The following PTPN14 variants were observed in gnomAD, a reference collection of about 807,000 sequenced individuals.
PTPN14 encodes protein tyrosine phosphatase non-receptor type 14.
A neutral mutation model predicts 126.8 loss-of-function variants in PTPN14; 53 were observed. The ratio of observed to expected loss-of-function variants is 0.42; its 90% CI spans 0.34 to 0.53. The LOEUF is 0.53. PTPN14 is among the 20% of genes least tolerant of loss of function. The pLI is 0.08. For missense variants in PTPN14, 1,257 were observed against 1,552.9 expected (o/e 0.81, Z 3.20); for synonymous variants, 630 against 599.3 (o/e 1.05, Z -0.75).
At chr1:214,419,508 C>T (rs1448750890) in intron 3 of PTPN14, among the ~76,000 whole-genome samples, 2 of 152,148 alleles carry the variant, frequency 1.3e-5, no homozygotes, top group East Asian at 3.9e-4. Flanking sequence ...CAGGGTAAGA[C>T]TTAAAATGTG....
chr1:214,415,096 C>A (rs568436586), intron 3 of PTPN14, among the ~76,000 whole-genome samples: 1 of 152,190 alleles, frequency 6.6e-6, no homozygotes, highest in Non-Finnish European at 1.5e-5. Context: ...CAACAGTGTG[C>A]GTTCCTGAAT....
chr1:214,515,444 G>A lies in PTPN14; in HGVS notation c.-155+35739C>T, dbSNP rs149748009. On this transcript the variant is annotated intron_variant, in intron 1 of 18. Transcript: ENST00000366956. ...TTCCAAGACTGTTTGACTACTAAGG[G>A]TATATTGTAATTCTATATATATTTT... Among the ~76,000 whole-genome samples the A allele has an allele frequency of 4.4e-3, 669 of 151,514 alleles. 1 individual carries two copies. Among genetic ancestry groups the A allele is most frequent in the African/African-American group, 0.015 (634 of 41,262 alleles).
chr1:214,423,935 C>A lies in PTPN14; in HGVS notation c.345-9209G>T, dbSNP rs533573475. On this transcript the variant is annotated intron_variant, in intron 3 of 18. Transcript: ENST00000366956. ...GGCGGAGGTTGTAGTAAGCAGAGTT[C>A]GCGCCACTGCACTCCAGCCTGGGTG... Among the ~76,000 whole-genome samples, 13 of 151,926 alleles carry A rather than the reference C, an allele frequency of 8.6e-5. No individual in the cohort carries two copies. In the South Asian group the frequency reaches 1.7e-3, roughly 19 times the overall value.
At chr1:214,541,116 G>T (rs1208474971) in intron 1 of PTPN14, among the ~76,000 whole-genome samples, 2 of 151,836 alleles carry the variant, frequency 1.3e-5, no homozygotes, top group Non-Finnish European at 2.9e-5. Flanking sequence ...AGATGGCAAT[G>T]ATAATATAAC....
intron 17 of PTPN14, among the ~76,000 whole-genome samples, chr1:214,365,666 C>A (rs74588916): frequency 6.6e-6 from 1 of 152,112 alleles, no homozygotes; most frequent in African/African-American, 2.4e-5. Context: ...TTCAAAGCAC[C>A]TGTTTACAGA....
At chr1:214,516,516 T>C (rs1655106439) in intron 1 of PTPN14, among the ~76,000 whole-genome samples, 1 of 152,206 alleles carries the variant, frequency 6.6e-6, no homozygotes, top group Admixed American at 6.5e-5. Flanking sequence ...AGACAGTTTA[T>C]TAAGATATGT....
intron 3 of PTPN14, among the ~76,000 whole-genome samples, chr1:214,435,563 CA>C (rs1462456007): frequency 7.3e-5 from 11 of 151,140 alleles, no homozygotes; most frequent in Non-Finnish European, 7.4e-5. Context: ...AAGGAAAAAA[CA>C]AACAATCCCA....
rs1558064947 is a variant in PTPN14, at chr1:214,353,586, G to A, written c.*4336C>T. 1 of 152,354 alleles carries A rather than the reference G, an allele frequency of 6.6e-6. No homozygotes were observed. Among genetic ancestry groups the A allele is most frequent in the South Asian group, 2.1e-4 (1 of 4,826 alleles). The allele number at this position is 152,354 out of a possible 1,614,324, so 9.4% of individuals were successfully genotyped here. Reference sequence around the variant, plus strand: ...GACACTTTTGGGACCCATACGTCACGTAACAAGTAGGCTGAGGTCAGCTAA... The same window carrying A: ...GACACTTTTGGGACCCATACGTCACATAACAAGTAGGCTGAGGTCAGCTAA... On this transcript the variant is annotated 3_prime_UTR_variant, in exon 19 of 19. Transcript: ENST00000366956.
At chr1:214,509,686 C>G (rs1053836831) in intron 1 of PTPN14, among the ~76,000 whole-genome samples, 1 of 152,178 alleles carries the variant, frequency 6.6e-6, no homozygotes, top group African/African-American at 2.4e-5. Flanking sequence ...GACACATGCA[C>G]ATGTATGTTT....
intron 1 of PTPN14, among the ~76,000 whole-genome samples, chr1:214,491,085 GAAAGAC>G (rs1661237536): frequency 6.6e-6 from 1 of 151,914 alleles, no homozygotes; most frequent in African/African-American, 2.4e-5. Flanking sequence ...GAGAAAGAAA[GAAAGAC>G]AAATTGCTTA....
intron 3 of PTPN14, among the ~76,000 whole-genome samples, chr1:214,436,243 G>A (rs1659912369): frequency 6.6e-6 from 1 of 152,168 alleles, no homozygotes; most frequent in Non-Finnish European, 1.5e-5. Flanking sequence ...GGGCCTACTT[G>A]AGGATGGAGG....
At chr1:214,481,351 A>T (rs916494680) in intron 1 of PTPN14, among the ~76,000 whole-genome samples, 1 of 151,822 alleles carries the variant, frequency 6.6e-6, no homozygotes, top group African/African-American at 2.4e-5. Context: ...TACTAAAAAT[A>T]CAAAAAAAAT....
intron 1 of PTPN14, among the ~76,000 whole-genome samples, chr1:214,482,482 C>G (rs1198191101): frequency 6.6e-6 from 1 of 151,522 alleles, no homozygotes; most frequent in East Asian, 1.9e-4. Flanking sequence ...TTAGGTTGCA[C>G]ATAATTAAAG....
At chr1:214,506,542 T>TAA (rs1654848538) in intron 1 of PTPN14, among the ~76,000 whole-genome samples, 1 of 152,074 alleles carries the variant, frequency 6.6e-6, no homozygotes, top group South Asian at 2.1e-4. Flanking sequence ...AATAAATAAA[T>TAA]ATAAAAACTA....
At chr1:214,455,242 G>T (rs1034435593) in intron 2 of PTPN14, among the ~76,000 whole-genome samples, 1 of 152,214 alleles carries the variant, frequency 6.6e-6, no homozygotes, top group African/African-American at 2.4e-5. Context: ...CCACCAGGCT[G>T]GTTTGTGGTT....
chr1:214,533,361 G>A lies in PTPN14; in HGVS notation c.-155+17822C>T, dbSNP rs1655603716. On this transcript the variant is annotated intron_variant, in intron 1 of 18. Transcript: ENST00000366956. ...GTGAGGACTTCAATCTTCAATCTTG[G>A]TGATGGACAGCAGCAACTCCACGCA... 8.4e-6 allele frequency: 4 copies of A among 475,050 alleles called. No homozygotes were observed. The Admixed American group carries it at 1.1e-4, about 13-fold the overall frequency. The allele number at this position is 475,050 out of a possible 1,614,324, so 29.4% of individuals were successfully genotyped here.
chr1:214,356,729 C>T lies in PTPN14; in HGVS notation c.*1193G>A, dbSNP rs1657829423. The T allele has an allele frequency of 1.3e-5, 2 of 152,182 alleles. No individual in the cohort carries two copies. The highest frequency in any genetic ancestry group is 2.1e-4 in the South Asian group (1 of 4,828). 9.4% of individuals were successfully genotyped at this position (152,182 alleles called of 1,614,324 possible). On this transcript the variant is annotated 3_prime_UTR_variant, in exon 19 of 19. Transcript: ENST00000366956. ...TATGGGGTCCCGAGTGGGATTAATT[C>T]TGATCTTGCAGACCAAAGCCTGAAG... is the stretch of plus-strand genomic sequence containing the variant.
At chr1:214,374,415 C>G (rs1658292933) in intron 15 of PTPN14, among the ~76,000 whole-genome samples, 1 of 152,186 alleles carries the variant, frequency 6.6e-6, no homozygotes, top group African/African-American at 2.4e-5. Flanking sequence ...CTCTCTGGCA[C>G]CCAACGTATA....
intron 1 of PTPN14, among the ~76,000 whole-genome samples, chr1:214,542,343 C>T (rs990584797): frequency 6.6e-6 from 1 of 152,144 alleles, no homozygotes; most frequent in East Asian, 1.9e-4. Context: ...GACTGGTGCC[C>T]GCACCAAGAG....
Sources: allele counts gnomAD v4.1 joint callset (sites outside exome capture counted in the v4.1 genomes callset), GRCh38; gene constraint gnomAD v4.1.1; transcripts MANE v1.5; gene names NCBI Gene and HGNC (gene_info 2026-07-23, HGNC 2026-07-21).